The following CMTM8 variants were observed in gnomAD, a reference collection of about 807,000 sequenced individuals.
The protein encoded by CMTM8 is CKLF like MARVEL transmembrane domain containing 8, also known as CKLF-like MARVEL transmembrane domain-containing protein 8.
CMTM8 carries 12 observed loss-of-function variants against 18.6 expected under a neutral mutation model. The ratio of observed to expected loss-of-function variants is 0.65; its 90% CI spans 0.41 to 1.05. The LOEUF (loss-of-function observed/expected upper bound fraction) is 1.05, where lower values mean the gene tolerates loss of function less well. Among genes scored for constraint, CMTM8 ranks in the 50% least tolerant of loss-of-function variants. The pLI is 0.00. For missense variants in CMTM8, 217 were observed against 227.2 expected (o/e 0.95, Z 0.29); for synonymous variants, 87 against 90.6 (o/e 0.96, Z 0.23).
At chr3:32,251,815 TGTG>T (rs1336261772) in intron 1 of CMTM8, among the ~76,000 whole-genome samples, 1 of 150,800 alleles carries the variant, frequency 6.6e-6, no homozygotes, top group African/African-American at 2.4e-5. Context: ...TTTGGTTGGG[TGTG>T]GTGGCTCACA....
chr3:32,319,964 A>G (rs1435121931), intron 1 of CMTM8, among the ~76,000 whole-genome samples: 1 of 152,196 alleles, frequency 6.6e-6, no homozygotes, highest in Non-Finnish European at 1.5e-5. Flanking sequence ...TTACGTAGGT[A>G]TGCTCTGCTC....
chr3:32,354,085 A>T (rs3853711), intron 1 of CMTM8, among the ~76,000 whole-genome samples: 51,771 of 151,818 alleles, frequency 0.34, 9,217 homozygotes, highest in Middle Eastern at 0.49. Flanking sequence ...TGCCCGGCTC[A>T]CTGTGTTAAT....
At chr3:32,357,180 G>T (rs929556497) in intron 1 of CMTM8, among the ~76,000 whole-genome samples, 193 bp from the exon 2 acceptor site, 3 of 152,162 alleles carry the variant, frequency 2.0e-5, no homozygotes, top group Non-Finnish European at 4.4e-5. Context: ...GGAGGTGGAG[G>T]TTGCAGTGAG....
intron 1 of CMTM8, among the ~76,000 whole-genome samples, chr3:32,332,233 G>C (rs1346048867): frequency 6.6e-6 from 1 of 152,238 alleles, no homozygotes; most frequent in East Asian, 1.9e-4. Flanking sequence ...GCCCGTCGCA[G>C]TGGACGCAGC....
At chr3:32,257,017 T>G (rs1396724382) in intron 1 of CMTM8, among the ~76,000 whole-genome samples, 3 of 152,210 alleles carry the variant, frequency 2.0e-5, no homozygotes, top group Non-Finnish European at 4.4e-5. Context: ...TGGTGATATC[T>G]CCCTAGATAC....
intron 1 of CMTM8, among the ~76,000 whole-genome samples, chr3:32,283,804 G>A (rs1242145238): frequency 6.6e-6 from 1 of 152,184 alleles, no homozygotes; most frequent in Non-Finnish European, 1.5e-5. Flanking sequence ...GCACTCAGAT[G>A]TGCTCGTAGT....
chr3:32,369,918 G>A lies in CMTM8; in HGVS notation c.473G>A (p.Gly158Glu), dbSNP rs1559393060. Reference protein sequence around the residue: ...FAFLVTICYAGNTYFSFIAWR... With the variant: ...FAFLVTICYAENTYFSFIAWR... ...TTCCTGGTCACCATCTGCTACGCTG[G>A]AAATACATATTTCAGTTTTATAGCA... The change falls in exon 4 of 4, where the codon GGA becomes GAA. Residue 158 changes from glycine to glutamate, a missense_variant. Transcript: ENST00000307526. 6.2e-7 allele frequency: 1 copy of A among 1,608,896 alleles called. No individual in the cohort carries two copies.
At chr3:32,240,568 T>TA (rs1382140639) in intron 1 of CMTM8, among the ~76,000 whole-genome samples, 1 of 152,200 alleles carries the variant, frequency 6.6e-6, no homozygotes, top group African/African-American at 2.4e-5. Context: ...TTATTATCGA[T>TA]ATGCTCTGTG....
chr3:32,314,906 G>T (rs78903036), intron 1 of CMTM8, among the ~76,000 whole-genome samples: 5,411 of 90,574 alleles, frequency 0.06, 169 homozygotes, highest in Admixed American at 0.17. Flanking sequence ...TGATAGCCTT[G>T]TACACAGATC....
At chr3:32,295,346 C>G (rs1459737221) in intron 1 of CMTM8, among the ~76,000 whole-genome samples, 3 of 150,140 alleles carry the variant, frequency 2.0e-5, no homozygotes, top group African/African-American at 7.3e-5. Flanking sequence ...GTCTCAGCTA[C>G]TCGGGAGGCT....
At chr3:32,304,093 C>T (rs928112653) in intron 1 of CMTM8, among the ~76,000 whole-genome samples, 3 of 152,164 alleles carry the variant, frequency 2.0e-5, no homozygotes, top group African/African-American at 7.2e-5. Flanking sequence ...GAAAAATCCT[C>T]AGCCTGTTAG....
At chr3:32,327,187 TG>T (rs1204867696) in intron 1 of CMTM8, among the ~76,000 whole-genome samples, 1 of 152,168 alleles carries the variant, frequency 6.6e-6, no homozygotes, top group Non-Finnish European at 1.5e-5. Context: ...CAAGTTTACA[TG>T]GAAACTAAAT....
At chr3:32,314,665 G>A (rs1695884579) in intron 1 of CMTM8, among the ~76,000 whole-genome samples, 1 of 151,744 alleles carries the variant, frequency 6.6e-6, no homozygotes, top group African/African-American at 2.4e-5. Flanking sequence ...TTTTTGGTAA[G>A]ACAGGGTTTT....
chr3:32,287,477 T>C (rs2125554010), intron 1 of CMTM8, among the ~76,000 whole-genome samples: 1 of 152,318 alleles, frequency 6.6e-6, no homozygotes, highest in South Asian at 2.1e-4. Flanking sequence ...AAACTATTAC[T>C]AACTGATTTA....
At chr3:32,360,094 A>C (rs1189154329) in intron 2 of CMTM8, among the ~76,000 whole-genome samples, 1 of 152,218 alleles carries the variant, frequency 6.6e-6, no homozygotes, top group Non-Finnish European at 1.5e-5. Flanking sequence ...CCTCCAGGTC[A>C]GGGGTTGCAC....
At chr3:32,240,813 G>C (rs1218666535) in intron 1 of CMTM8, among the ~76,000 whole-genome samples, 1 of 152,028 alleles carries the variant, frequency 6.6e-6, no homozygotes, top group Non-Finnish European at 1.5e-5. Context: ...TTTGAGACAG[G>C]GTTTTGCTCT....
intron 1 of CMTM8, among the ~76,000 whole-genome samples, chr3:32,320,464 C>T (rs965888955): frequency 8.5e-5 from 13 of 152,070 alleles, no homozygotes; most frequent in African/African-American, 3.1e-4. Flanking sequence ...TTACCTTGGC[C>T]TGAGGGTGGT....
At chr3:32,291,785 G>A (rs1406829252) in intron 1 of CMTM8, among the ~76,000 whole-genome samples, 1 of 152,176 alleles carries the variant, frequency 6.6e-6, no homozygotes, top group Admixed American at 6.5e-5. Context: ...GGTCTGTTAA[G>A]CCTATGATCT....
At chr3:32,356,742 C>T (rs13080060) in intron 1 of CMTM8, among the ~76,000 whole-genome samples, 29,276 of 152,190 alleles carry the variant, frequency 0.19, 2,938 homozygotes, top group East Asian at 0.24. Context: ...CCTGCAGTCT[C>T]ATTTCCTTGA....
Sources: gnomAD v4.1 joint callset for allele counts (sites outside exome capture counted in the v4.1 genomes callset) on GRCh38, gnomAD v4.1.1 for gene constraint, MANE v1.5 for transcripts, NCBI Gene and HGNC (gene_info 2026-07-23, HGNC 2026-07-21) for gene names.